Variants in PKHD1 observed in about 807,000 individuals in gnomAD.
PKHD1 encodes fibrocystin.
PKHD1 carries 291 observed loss-of-function variants against 412.0 expected under a neutral mutation model. The observed-to-expected ratio is 0.71, with a 90% CI of 0.64 to 0.78. The LOEUF (loss-of-function observed/expected upper bound fraction) is 0.78. Among genes scored for constraint, PKHD1 ranks in the 30% least tolerant of loss-of-function variants. PKHD1 has a pLI of 0.00. For synonymous variants in PKHD1, 1,777 were observed against 1,821.5 expected (o/e 0.98, Z 0.62); for missense variants, 4,825 against 4,950.7 (o/e 0.97, Z 0.76).
chr6:51,671,955 G>A (rs1416902618), intron 60 of PKHD1, among the ~76,000 whole-genome samples: 1 of 152,180 alleles, frequency 6.6e-6, no homozygotes, highest in East Asian at 1.9e-4. Context: ...CTTCAAAGCT[G>A]TCAGACAGGG....
chr6:51,843,315 A>T (rs1045096530), intron 50 of PKHD1, among the ~76,000 whole-genome samples: 1 of 152,258 alleles, frequency 6.6e-6, no homozygotes, highest in African/African-American at 2.4e-5. Flanking sequence ...GGCAACAGGA[A>T]TCACATGGGC....
chr6:51,886,956 T>A (rs906062772), intron 44 of PKHD1, among the ~76,000 whole-genome samples, 177 bp downstream of exon 44: 2 of 152,172 alleles, frequency 1.3e-5, no homozygotes. Flanking sequence ...GTTGCATACA[T>A]TAAATATGGA....
chr6:51,664,855 G>A (rs1318519836), intron 60 of PKHD1, among the ~76,000 whole-genome samples: 1 of 152,048 alleles, frequency 6.6e-6, no homozygotes, highest in Non-Finnish European at 1.5e-5. Flanking sequence ...GGACCACATG[G>A]ATTTTGATTT....
chr6:51,750,616 A>G (rs902193296), intron 57 of PKHD1, among the ~76,000 whole-genome samples: 3 of 152,142 alleles, frequency 2.0e-5, no homozygotes, highest in African/African-American at 4.8e-5. Flanking sequence ...AGAAGCTCTC[A>G]GGATTATTTT....
intron 36 of PKHD1, among the ~76,000 whole-genome samples, chr6:51,958,164 A>G (rs1352982645): frequency 6.6e-6 from 1 of 152,048 alleles, no homozygotes; most frequent in Non-Finnish European, 1.5e-5. Context: ...CAACTCCTGT[A>G]TCTTATTCGT....
chr6:52,086,003 AATAT>A (rs1397764747), intron 1 of PKHD1, among the ~76,000 whole-genome samples: 1 of 150,242 alleles, frequency 6.7e-6, no homozygotes, highest in African/African-American at 2.4e-5. Flanking sequence ...ATACACGTTT[AATAT>A]ATATTTAATT....
chr6:51,880,921 G>A (rs1312052689), intron 46 of PKHD1, among the ~76,000 whole-genome samples: 26 of 147,988 alleles, frequency 1.8e-4, no homozygotes, highest in African/African-American at 3.5e-4. Context: ...AGCCAAGATC[G>A]CGCCACTGCA....
At chr6:51,993,158 G>A (rs1484085924) in intron 35 of PKHD1, among the ~76,000 whole-genome samples, 3 of 152,230 alleles carry the variant, frequency 2.0e-5, no homozygotes, top group Non-Finnish European at 4.4e-5. Flanking sequence ...CAGAGCTAAA[G>A]GTTAACAAAA....
intron 52 of PKHD1, among the ~76,000 whole-genome samples, chr6:51,820,766 A>T (rs1041393939): frequency 3.9e-5 from 6 of 152,130 alleles, no homozygotes; most frequent in African/African-American, 1.4e-4. Flanking sequence ...GCCTGTACCT[A>T]CAAAGACCTT....
rs3061729 is a variant in PKHD1 at position 51,744,217 on chromosome 6, A to ATT, written c.10156+167_10156+168insAA. Among the ~76,000 whole-genome samples, 48,443 of 151,966 alleles carry ATT rather than the reference A, an allele frequency of 0.32. 9,608 individuals are homozygous for ATT. Among genetic ancestry groups the ATT allele is most frequent in the East Asian group, 0.68 (3,469 of 5,136 alleles). On this transcript the variant is annotated intron_variant, in intron 60 of 66. Coordinates refer to ENST00000371117, the MANE Select transcript of PKHD1 (RefSeq NM_138694.4). ...AGTAAAGTTGTGAGATCACATAATG[A>ATT]CTCAGCATTCCTGTAATACAGGTGA...
intron 36 of PKHD1, among the ~76,000 whole-genome samples, chr6:51,953,210 A>G (rs148235210): frequency 2.1e-3 from 315 of 152,246 alleles, no homozygotes; most frequent in Middle Eastern, 0.01. Context: ...ACTTGCAGAT[A>G]AATTATTTTG....
chr6:52,058,620 A>T lies in PKHD1; in HGVS notation c.1234-19T>A, dbSNP rs1340295806. 3 of 1,612,160 alleles carry T rather than the reference A, an allele frequency of 1.9e-6. No individual in the cohort carries two copies. The highest frequency in any genetic ancestry group is 2.7e-5 in the African/African-American group (2 of 75,030). On this transcript the variant is annotated intron_variant, in intron 15 of 66. Transcript: ENST00000371117. Reference sequence around the variant, plus strand: ...CTTTCACCTATGCCCAAATAAGCATATCATGATCAATACTATGCAGCTTCC... The same window carrying T: ...CTTTCACCTATGCCCAAATAAGCATTTCATGATCAATACTATGCAGCTTCC...
intron 60 of PKHD1, among the ~76,000 whole-genome samples, chr6:51,712,241 TA>T (rs1780746424): frequency 6.6e-6 from 1 of 152,166 alleles, no homozygotes; most frequent in Non-Finnish European, 1.5e-5. Flanking sequence ...CACTGAACCG[TA>T]ACCACATAGC....
chr6:51,627,272 T>C (rs1474583572), intron 65 of PKHD1, among the ~76,000 whole-genome samples, 156 bp from the exon 66 acceptor site: 2 of 152,066 alleles, frequency 1.3e-5, no homozygotes, highest in African/African-American at 2.4e-5. Context: ...AATAATGGCA[T>C]AAAATCCTAT....
At chr6:51,626,781 T>C (rs1015477926) in intron 66 of PKHD1, among the ~76,000 whole-genome samples, 52 of 152,134 alleles carry the variant, frequency 3.4e-4, no homozygotes, top group African/African-American at 1.2e-3. Context: ...CTAAAAACAA[T>C]ATAAATATCA....
rs532584060 is a variant in PKHD1 at position 51,740,383 on chromosome 6, T to A, written c.10156+4002A>T. Among the ~76,000 whole-genome samples the A allele has an allele frequency of 3.9e-5, 6 of 152,264 alleles. No individual in the cohort carries two copies. The East Asian group carries it at 1.2e-3, about 29-fold the overall frequency. On this transcript the variant is annotated intron_variant, in intron 60 of 66. Coordinates refer to ENST00000371117, the MANE Select transcript of PKHD1 (RefSeq NM_138694.4). ...TTTTGTACGAACTTATATGTGCAAA[T>A]AAAATCTGTTATTTTCCAAATTAAA...
At chr6:51,802,445 T>C (rs2151330542) in intron 52 of PKHD1, among the ~76,000 whole-genome samples, 1 of 151,638 alleles carries the variant, frequency 6.6e-6, no homozygotes, top group Middle Eastern at 3.4e-3. Flanking sequence ...TCCAATCCTG[T>C]AGTGAATAAT....
chr6:51,742,050 T>G (rs534102814), intron 60 of PKHD1, among the ~76,000 whole-genome samples: 2 of 152,310 alleles, frequency 1.3e-5, no homozygotes, highest in Admixed American at 6.5e-5. Flanking sequence ...AATAGAAAAC[T>G]TACTATAGAA....
intron 50 of PKHD1, among the ~76,000 whole-genome samples, chr6:51,840,759 C>A (rs373655757): frequency 1.3e-5 from 2 of 152,068 alleles, no homozygotes; most frequent in Admixed American, 6.5e-5. Flanking sequence ...AAGTAAAGAG[C>A]GAGACCCAGA....
Sources: gnomAD v4.1 joint callset for allele counts (sites outside exome capture counted in the v4.1 genomes callset) on GRCh38, gnomAD v4.1.1 for gene constraint, MANE v1.5 for transcripts, NCBI Gene and HGNC (gene_info 2026-07-23, HGNC 2026-07-21) for gene names.